Variants in FHOD3 observed in about 807,000 individuals in gnomAD.
The protein encoded by FHOD3 is FH1/FH2 domain-containing protein 3.
In FHOD3, 90 loss-of-function variants were observed where a neutral mutation model predicts 173.0. The ratio of observed to expected loss-of-function variants is 0.52; its 90% CI spans 0.44 to 0.62. The LOEUF (loss-of-function observed/expected upper bound fraction) is 0.62, where lower values mean the gene tolerates loss of function less well. Ranked by LOEUF, FHOD3 falls within the 20% of genes least tolerant of loss-of-function variation. The pLI is 0.00. For missense variants in FHOD3, 1,945 were observed against 2,034.7 expected (o/e 0.96, Z 0.85); for synonymous variants, 828 against 823.0 (o/e 1.01, Z -0.10).
intron 3 of FHOD3, among the ~76,000 whole-genome samples, chr18:36,488,428 G>T (rs568696299): frequency 3.9e-5 from 6 of 152,322 alleles, no homozygotes; most frequent in African/African-American, 1.4e-4. Flanking sequence ...CCAGGGCCCA[G>T]CTGGGGCCTG....
intron 5 of FHOD3, among the ~76,000 whole-genome samples, chr18:36,574,357 T>C (rs1284090845): frequency 6.6e-6 from 1 of 152,196 alleles, no homozygotes; most frequent in Non-Finnish European, 1.5e-5. Flanking sequence ...TTTATTATAG[T>C]GAGAGTGAAA....
intron 3 of FHOD3, among the ~76,000 whole-genome samples, chr18:36,427,633 C>CA (rs1270438255): frequency 6.6e-6 from 1 of 152,172 alleles, no homozygotes; most frequent in African/African-American, 2.4e-5. Context: ...GGGTTGCAAC[C>CA]AGTAGCTGCT....
intron 3 of FHOD3, among the ~76,000 whole-genome samples, chr18:36,373,856 T>C (rs559662004): frequency 9.1e-4 from 139 of 152,356 alleles, no homozygotes; most frequent in Non-Finnish European, 1.6e-3. Flanking sequence ...CTTCGTGTTT[T>C]CCCAGTGATT....
intron 5 of FHOD3, among the ~76,000 whole-genome samples, chr18:36,539,173 G>A (rs552242610): frequency 1.3e-5 from 2 of 152,282 alleles, no homozygotes; most frequent in East Asian, 1.9e-4. Flanking sequence ...TATGTTCAAC[G>A]AAGTGATATC....
chr18:36,615,514 T>C (rs1254486307), intron 9 of FHOD3, among the ~76,000 whole-genome samples: 1 of 152,146 alleles, frequency 6.6e-6, no homozygotes, highest in Admixed American at 6.5e-5. Context: ...AGGGACATAG[T>C]AGTCTACATA....
intron 3 of FHOD3, among the ~76,000 whole-genome samples, chr18:36,382,283 G>A (rs1425968502): frequency 6.6e-6 from 1 of 152,196 alleles, no homozygotes; most frequent in Non-Finnish European, 1.5e-5. Context: ...GGGATGGGCT[G>A]TGGCTCTTCC....
chr18:36,645,363 T>C (rs772328962), intron 10 of FHOD3, among the ~76,000 whole-genome samples: 12 of 152,104 alleles, frequency 7.9e-5, no homozygotes, highest in Non-Finnish European at 1.2e-4. Context: ...GAGGCTGCAG[T>C]GAACCAAGAT....
At chr18:36,418,960 G>A (rs2049832387) in intron 3 of FHOD3, among the ~76,000 whole-genome samples, 1 of 151,978 alleles carries the variant, frequency 6.6e-6, no homozygotes, top group East Asian at 1.9e-4. Flanking sequence ...CTATAAATAG[G>A]AATTTTATTT....
chr18:36,387,038 T>C, intron 3 of FHOD3, among the ~76,000 whole-genome samples: 1 of 152,174 alleles, frequency 6.6e-6, no homozygotes, highest in Admixed American at 6.5e-5. Flanking sequence ...TATTTTTCTT[T>C]CTTAAACAAA....
chr18:36,736,394 A>T (rs928400299), intron 20 of FHOD3, among the ~76,000 whole-genome samples: 3 of 152,216 alleles, frequency 2.0e-5, no homozygotes, highest in African/African-American at 7.2e-5. Flanking sequence ...TAGCGCCCGC[A>T]TCTATGGCAC....
intron 18 of FHOD3, chr18:36,711,216 A>G (rs111388872): frequency 1.1e-4 from 16 of 152,380 alleles, no homozygotes; most frequent in East Asian, 1.9e-4. Flanking sequence ...CACAGGCATC[A>G]TCAGCCACTG....
intron 15 of FHOD3, among the ~76,000 whole-genome samples, chr18:36,684,978 A>G (rs994778430): frequency 6.6e-6 from 1 of 151,832 alleles, no homozygotes; most frequent in Non-Finnish European, 1.5e-5. Context: ...TAATTTTTGT[A>G]TTTTTTTGTA....
chr18:36,475,021 ACACACACACACACT>A lies in FHOD3; in HGVS notation c.338-26909_338-26896del, dbSNP rs1354647890. Among the ~76,000 whole-genome samples the A allele has an allele frequency of 5.4e-3, 690 of 127,530 alleles. 1 individual carries two copies. The highest frequency in any genetic ancestry group is 0.015 in the East Asian group (55 of 3,594). The allele number at this position is 127,530 out of a possible 152,430, so 83.7% of individuals were successfully genotyped here. A position where few individuals can be genotyped will look rare whatever the true frequency, so the allele number is the denominator to read the frequency against. ...CACACACACACACACACACACACAC[ACACACACACACACT>A]CTGCAAAATTTAATGCCTTCTACTT... On this transcript the variant is annotated intron_variant, in intron 3 of 28. Coordinates refer to ENST00000590592, the MANE Select transcript of FHOD3 (RefSeq NM_001281740.3).
intron 5 of FHOD3, among the ~76,000 whole-genome samples, chr18:36,530,683 T>C (rs1224373844): frequency 6.6e-6 from 1 of 152,252 alleles, no homozygotes; most frequent in African/African-American, 2.4e-5. Context: ...CACATTCTTG[T>C]TGTATTTCCT....
rs1247633383 is a variant in FHOD3 at position 36,718,405 on chromosome 18, C to T, written c.3107C>T (p.Pro1036Leu). 9 of 1,567,676 alleles carry T rather than the reference C, an allele frequency of 5.7e-6. No homozygotes were observed. Among genetic ancestry groups the T allele is most frequent in the Non-Finnish European group, 7.9e-6 (9 of 1,145,938 alleles). ...PPTFLGLPPPPPPPLLDSIPP... is the reference protein window; with the variant it reads ...PPTFLGLPPPLPPPLLDSIPP... The stretch of plus-strand genomic sequence containing the variant: ...ACCTTTCTGGGTTTGCCGCCCCCAC[C>T]CCCTCCGCCCCTGTTGGACAGCATT... Residue 1036 changes from proline to leucine, a missense_variant, in exon 19 of 29, where the codon CCC becomes CTC. Physicochemically the swap from Pro to Leu is moderately conservative, Grantham distance 98. Around this residue, in one of 5 missense-constraint regions of FHOD3, gnomAD observed 1,099 missense variants for 1,051.2 expected, o/e 1.05. Transcript: ENST00000590592.
chr18:36,514,927 A>G (rs1197701693), intron 5 of FHOD3, among the ~76,000 whole-genome samples: 1 of 152,182 alleles, frequency 6.6e-6, no homozygotes, highest in Admixed American at 6.5e-5. Context: ...GGCAACAGAG[A>G]GAAAGGCTTG....
At chr18:36,316,177 A>T (rs1457499922) in intron 1 of FHOD3, among the ~76,000 whole-genome samples, 1 of 151,970 alleles carries the variant, frequency 6.6e-6, no homozygotes, top group Non-Finnish European at 1.5e-5. Context: ...AGAACGTACC[A>T]GCTCCATTAA....
At chr18:36,506,954 T>G (rs1401425682) in intron 4 of FHOD3, among the ~76,000 whole-genome samples, 1 of 152,180 alleles carries the variant, frequency 6.6e-6, no homozygotes, top group African/African-American at 2.4e-5. Flanking sequence ...CCCCCCAAAA[T>G]AAAATATAGT....
chr18:36,549,176 G>A (rs1041412084), intron 5 of FHOD3, among the ~76,000 whole-genome samples: 25 of 152,182 alleles, frequency 1.6e-4, no homozygotes, highest in African/African-American at 5.3e-4. Flanking sequence ...AATGACTAAT[G>A]ATGTTGAACA....
Sources: gnomAD v4.1 joint callset for allele counts (sites outside exome capture counted in the v4.1 genomes callset) on GRCh38, gnomAD v4.1.1 for gene constraint, gnomAD v4.1.1 regional missense constraint, MANE v1.5 for transcripts, NCBI Gene and HGNC (gene_info 2026-07-23, HGNC 2026-07-21) for gene names.